The following LTBP1 variants were observed in gnomAD, a reference collection of about 807,000 sequenced individuals.
LTBP1 encodes the protein latent-transforming growth factor beta-binding protein 1.
Under a neutral mutation model 207.6 loss-of-function variants are expected in LTBP1, and 129 were observed. That is an observed-to-expected ratio of 0.62 (90% CI 0.54 to 0.72). The LOEUF is 0.72. LTBP1 is among the 30% of genes least tolerant of loss of function. The pLI is 0.00. For missense variants in LTBP1, 2,281 were observed against 2,217.2 expected, an observed-to-expected ratio of 1.03 and a Z score of -0.58; for synonymous variants, 963 against 833.7, an observed-to-expected ratio of 1.16 and a Z score of -2.67.
intron 2 of LTBP1, among the ~76,000 whole-genome samples, chr2:32,957,161 G>C (rs1463378008): frequency 6.6e-6 from 1 of 152,232 alleles, no homozygotes; most frequent in African/African-American, 2.4e-5. Flanking sequence ...GTCACCAGCT[G>C]TGTTAGCTCC....
chr2:32,952,043 T>C (rs1677196792), intron 2 of LTBP1, among the ~76,000 whole-genome samples: 1 of 152,224 alleles, frequency 6.6e-6, no homozygotes, highest in Non-Finnish European at 1.5e-5. Flanking sequence ...AATTTGAGTT[T>C]ATATAGGTCA....
intron 3 of LTBP1, among the ~76,000 whole-genome samples, chr2:33,061,755 A>G (rs2077281262): frequency 6.6e-6 from 1 of 152,162 alleles, no homozygotes; most frequent in South Asian, 2.1e-4. Context: ...ATTATAAATA[A>G]AGCTGCCATG....
chr2:33,112,925 G>A (rs538441873), intron 4 of LTBP1, among the ~76,000 whole-genome samples: 14 of 152,318 alleles, frequency 9.2e-5, no homozygotes, highest in African/African-American at 3.1e-4. Context: ...TATATTTACA[G>A]AAGAGATCAA....
intron 17 of LTBP1, 99 bp downstream of exon 17, chr2:33,275,189 T>A: frequency 1.4e-6 from 2 of 1,409,336 alleles, no homozygotes; most frequent in Middle Eastern, 1.9e-4. Context: ...CAACCCAGAA[T>A]TTTTTATTAA....
intron 5 of LTBP1, among the ~76,000 whole-genome samples, chr2:33,165,041 G>A (rs1372182974): frequency 6.6e-6 from 1 of 152,170 alleles, no homozygotes; most frequent in African/African-American, 2.4e-5. Flanking sequence ...GATGGCATGT[G>A]CGTTAGTATA....
intron 12 of LTBP1, among the ~76,000 whole-genome samples, chr2:33,258,847 A>T (rs986712257): frequency 1.3e-5 from 2 of 152,196 alleles, no homozygotes; most frequent in Non-Finnish European, 2.9e-5. Context: ...TGATTGACTT[A>T]TGAGAAAAAT....
intron 10 of LTBP1, among the ~76,000 whole-genome samples, chr2:33,247,799 G>A (rs2092558320): frequency 6.6e-6 from 1 of 152,232 alleles, no homozygotes; most frequent in Admixed American, 6.5e-5. Flanking sequence ...GGAGCAACAT[G>A]TGGCTAGTGC....
chr2:33,055,551 A>G (rs779573051), intron 3 of LTBP1, among the ~76,000 whole-genome samples: 14 of 152,192 alleles, frequency 9.2e-5, no homozygotes, highest in Non-Finnish European at 1.0e-4. Context: ...CTGTCATTCT[A>G]TCATTTACTT....
At chr2:33,237,870 A>G (rs559355209) in intron 9 of LTBP1, among the ~76,000 whole-genome samples, 1 of 152,168 alleles carries the variant, frequency 6.6e-6, no homozygotes, top group Non-Finnish European at 1.5e-5. Flanking sequence ...ATAGGAAAGG[A>G]AGATTGGCAA....
At chr2:33,323,151 A>G (rs1057207351) in intron 24 of LTBP1, among the ~76,000 whole-genome samples, 1 of 152,202 alleles carries the variant, frequency 6.6e-6, no homozygotes, top group Non-Finnish European at 1.5e-5. Flanking sequence ...CTTCTAGCAC[A>G]TTCTAAACGT....
intron 31 of LTBP1, among the ~76,000 whole-genome samples, chr2:33,383,806 G>A (rs761194562): frequency 8.5e-5 from 13 of 152,130 alleles, no homozygotes; most frequent in Non-Finnish European, 1.3e-4. Context: ...CAAAGTGCTG[G>A]GATTACAGGC....
chr2:33,012,489 A>G (rs969946556), intron 2 of LTBP1, among the ~76,000 whole-genome samples: 2 of 152,148 alleles, frequency 1.3e-5, no homozygotes, highest in African/African-American at 2.4e-5. Flanking sequence ...ACTCACAAAT[A>G]TTTGCCAATT....
chr2:33,069,084 T>G (rs1056299271), intron 3 of LTBP1, among the ~76,000 whole-genome samples: 1 of 152,244 alleles, frequency 6.6e-6, no homozygotes, highest in Admixed American at 6.5e-5. Flanking sequence ...TTAAGCTTAC[T>G]TAAAGTTTAC....
chr2:33,249,828 G>A (rs975129335), intron 10 of LTBP1, among the ~76,000 whole-genome samples: 37 of 152,170 alleles, frequency 2.4e-4, no homozygotes, highest in African/African-American at 8.7e-4. Context: ...AGAGCCTACA[G>A]GCACCCTTTA....
chr2:33,324,852 C>T (rs944673653), intron 24 of LTBP1, among the ~76,000 whole-genome samples: 1 of 151,920 alleles, frequency 6.6e-6, no homozygotes, highest in Non-Finnish European at 1.5e-5. Context: ...CAGGCATGTG[C>T]CACCACACCC....
intron 7 of LTBP1, among the ~76,000 whole-genome samples, chr2:33,204,562 A>C (rs1573165509): frequency 6.8e-6 from 1 of 147,404 alleles, no homozygotes; most frequent in South Asian, 2.1e-4. Flanking sequence ...TGGCTTCAAG[A>C]TAAGCCTCTT....
chr2:33,148,651 C>T (rs1382494544), intron 5 of LTBP1, among the ~76,000 whole-genome samples: 1 of 152,202 alleles, frequency 6.6e-6, no homozygotes, highest in Non-Finnish European at 1.5e-5. Context: ...TCTCTTATTT[C>T]ACTTGCACCC....
chr2:33,034,811 AAT>A (rs1239669748), intron 3 of LTBP1, among the ~76,000 whole-genome samples: 1 of 152,234 alleles, frequency 6.6e-6, no homozygotes, highest in Admixed American at 6.5e-5. Flanking sequence ...ATAAATACGC[AAT>A]ATGGAAATAT....
chr2:33,132,859 T>C (rs1240353782), intron 4 of LTBP1, among the ~76,000 whole-genome samples: 1 of 152,226 alleles, frequency 6.6e-6, no homozygotes, highest in Non-Finnish European at 1.5e-5. Context: ...GTGGCATTTA[T>C]CTCAAAGATA....
Sources: gnomAD v4.1 joint callset for allele counts (sites outside exome capture counted in the v4.1 genomes callset) on GRCh38, gnomAD v4.1.1 for gene constraint, MANE v1.5 for transcripts, NCBI Gene and HGNC (gene_info 2026-07-23, HGNC 2026-07-21) for gene names.